The following ZNF107 variants were observed in gnomAD, a reference collection of about 807,000 sequenced individuals.
ZNF107 encodes the protein zinc finger protein 107.
ZNF107 carries 19 observed loss-of-function variants against 12.3 expected under a neutral mutation model. That is an observed-to-expected ratio of 1.55 (90% CI 1.08 to 2.27). The LOEUF (loss-of-function observed/expected upper bound fraction) is 2.27, where lower values mean the gene tolerates loss of function less well. Among genes scored for constraint, ZNF107 ranks in the 30% most tolerant of loss-of-function variants. The probability of loss-of-function intolerance (pLI) is 0.00; values close to 1 mark genes in which losing one functional copy is unlikely to be tolerated. For synonymous variants in ZNF107, 317 were observed against 330.5 expected, an observed-to-expected ratio of 0.96 and a Z score of 0.44; for missense variants, 958 against 979.9, an observed-to-expected ratio of 0.98 and a Z score of 0.30.
At chr7:64,685,530 C>T (rs572622879) in intron 1 of ZNF107, among the ~76,000 whole-genome samples, 3 of 152,222 alleles carry the variant, frequency 2.0e-5, no homozygotes, top group South Asian at 2.1e-4. Flanking sequence ...TCCCCTCTTT[C>T]GATTACCCTT....
chr7:64,673,874 C>T (rs1295511989), intron 1 of ZNF107, among the ~76,000 whole-genome samples: 4 of 152,158 alleles, frequency 2.6e-5, no homozygotes, highest in Non-Finnish European at 5.9e-5. Flanking sequence ...GACCAAATGG[C>T]TGTAGGTGTG....
chr7:64,704,518 A>G (rs116645478), intron 3 of ZNF107, among the ~76,000 whole-genome samples: 1,615 of 152,256 alleles, frequency 0.011, 33 homozygotes, highest in African/African-American at 0.037. Context: ...TGCTGGGACT[A>G]CAGGCACGAG....
chr7:64,696,664 C>T (rs957864812), intron 3 of ZNF107, among the ~76,000 whole-genome samples: 1 of 151,940 alleles, frequency 6.6e-6, no homozygotes, highest in Non-Finnish European at 1.5e-5. Context: ...TCTTGACAAA[C>T]ACCCTTCCAC....
intron 3 of ZNF107, among the ~76,000 whole-genome samples, 178 bp from the exon 4 acceptor site, chr7:64,706,146 A>T (rs183141814): frequency 7.8e-4 from 118 of 152,220 alleles, no homozygotes; most frequent in Admixed American, 1.1e-3. Flanking sequence ...ATTTTCCACA[A>T]ATGTATTTTG....
chr7:64,711,568 A>AC lies in ZNF107; in HGVS notation c.*2912_*2913insC, dbSNP rs953562040. The AC allele has an allele frequency of 1.1e-4, 3 of 28,518 alleles. No individual in the cohort carries two copies. The highest frequency in any genetic ancestry group is 3.0e-4 in the Non-Finnish European group (3 of 9,886). The allele number at this position is 28,518 out of a possible 1,614,324, so 1.8% of individuals were successfully genotyped here. The stretch of plus-strand genomic sequence containing the variant: ...AGAAAATTCTGAGTTCTGAATAAAC[A>AC]TTTAAAAAATGTTATATATTTTTCT... On this transcript the variant is annotated 3_prime_UTR_variant, in exon 4 of 4. Coordinates refer to ENST00000620827, the MANE Select transcript of ZNF107 (RefSeq NM_001282359.2).
chr7:64,668,277 G>A (rs192704709), intron 1 of ZNF107, among the ~76,000 whole-genome samples: 1,571 of 151,402 alleles, frequency 0.01, 17 homozygotes, highest in Non-Finnish European at 0.016. Flanking sequence ...TTTAGCATTA[G>A]GTATATCTCC....
Position 64,690,525 on chromosome 7 carries a change from G to A in ZNF107, c.4-723G>A, listed in dbSNP as rs1790080386. On this transcript the variant is annotated intron_variant, in intron 1 of 3. Coordinates refer to ENST00000620827, the MANE Select transcript of ZNF107 (RefSeq NM_001282359.2). ...CACAAGGAGATAAATGGGAAAAAAA[G>A]GTATGCATTTTAGGGTCCTAATTTT... The A allele has an allele frequency of 4.2e-5, 41 of 981,786 alleles. No individual in the cohort carries two copies. In the South Asian group the frequency reaches 9.5e-4, roughly 23 times the overall value. 60.8% of individuals were successfully genotyped at this position (981,786 alleles called of 1,614,324 possible).
chr7:64,692,831 T>C (rs1045275924), intron 3 of ZNF107, among the ~76,000 whole-genome samples: 3 of 150,984 alleles, frequency 2.0e-5, no homozygotes, highest in Admixed American at 1.3e-4. Flanking sequence ...CCATAATTTA[T>C]ACTTGTATGT....
chr7:64,700,278 T>C (rs1790431483), intron 3 of ZNF107, among the ~76,000 whole-genome samples: 1 of 152,060 alleles, frequency 6.6e-6, no homozygotes, highest in Non-Finnish European at 1.5e-5. Flanking sequence ...GTCATCCTCT[T>C]GGTAATCAAA....
At chr7:64,688,254 CCTCT>C (rs1430986463) in intron 1 of ZNF107, among the ~76,000 whole-genome samples, 2 of 138,696 alleles carry the variant, frequency 1.4e-5, no homozygotes, top group Non-Finnish European at 3.1e-5. Context: ...TTCCCTTCCT[CCTCT>C]TTTTTTTTTT....
At chr7:64,692,258 G>T (rs942097982) in intron 3 of ZNF107, among the ~76,000 whole-genome samples, 11 of 151,848 alleles carry the variant, frequency 7.2e-5, no homozygotes, top group Non-Finnish European at 1.5e-4. Context: ...TTGTTTTGGG[G>T]GACACACATA....
At chr7:64,704,857 T>G (rs1384479844) in intron 3 of ZNF107, among the ~76,000 whole-genome samples, 1 of 152,042 alleles carries the variant, frequency 6.6e-6, no homozygotes. Flanking sequence ...TTTTTATATT[T>G]TTAGTACAGA....
At chr7:64,677,767 G>C (rs1346996012) in intron 1 of ZNF107, among the ~76,000 whole-genome samples, 1 of 150,210 alleles carries the variant, frequency 6.7e-6, no homozygotes, top group South Asian at 2.1e-4. Context: ...CAGGAGAATG[G>C]TGTGAACCCG....
In ZNF107 at chr7:64,691,272, G is replaced by A. The variant is rs748281700; in HGVS notation, c.28G>A (p.Ala10Thr). Residue 10 changes from alanine (A) to threonine (T), a missense_variant, in exon 2 of 4, where the codon GCC (alanine) becomes ACC (threonine). Transcript: ENST00000620827. ...GGAACCACTGACATTTAAAGATGTC[G>A]CCATAGAATTCTCTCTGGAGGAGTG... MEPLTFKDV[A>T]IEFSLEEWQC... The A allele has an allele frequency of 2.3e-5, 36 of 1,538,232 alleles. No individual in the cohort carries two copies. The highest frequency in any genetic ancestry group is 1.4e-4 in the African/African-American group (10 of 71,528).
At chr7:64,674,341 C>T (rs1416605206) in intron 1 of ZNF107, among the ~76,000 whole-genome samples, 1 of 152,058 alleles carries the variant, frequency 6.6e-6, no homozygotes, top group African/African-American at 2.4e-5. Context: ...TCCTGGTTAG[C>T]TGTATTCCTA....
At chr7:64,682,387 TTGCCCTC>T (rs1355983091) in intron 1 of ZNF107, among the ~76,000 whole-genome samples, 1 of 152,070 alleles carries the variant, frequency 6.6e-6, no homozygotes, top group Non-Finnish European at 1.5e-5. Flanking sequence ...GTACCTGGTT[TTGCCCTC>T]TTAACAAAAC....
intron 1 of ZNF107, among the ~76,000 whole-genome samples, chr7:64,672,616 G>C (rs1340351596): frequency 6.6e-6 from 1 of 152,156 alleles, no homozygotes; most frequent in Non-Finnish European, 1.5e-5. Context: ...GCATGCCTCA[G>C]CTTACGAAAG....
chr7:64,680,465 G>A (rs372902943), intron 1 of ZNF107, among the ~76,000 whole-genome samples: 6 of 152,278 alleles, frequency 3.9e-5, no homozygotes, highest in African/African-American at 1.4e-4. Flanking sequence ...TCCCCCGTGA[G>A]GACCCCCAGT....
intron 3 of ZNF107, among the ~76,000 whole-genome samples, chr7:64,696,006 A>T (rs1790273764): frequency 6.6e-6 from 1 of 152,124 alleles, no homozygotes; most frequent in Non-Finnish European, 1.5e-5. Flanking sequence ...AGACAAAAGG[A>T]TCGCTTGAGC....
Sources: allele counts gnomAD v4.1 joint callset (sites outside exome capture counted in the v4.1 genomes callset), GRCh38; gene constraint gnomAD v4.1.1; transcripts MANE v1.5; gene names NCBI Gene and HGNC (gene_info 2026-07-23, HGNC 2026-07-21).